INTU: variants seen among roughly 807,000 people sequenced by gnomAD.
INTU encodes protein inturned.
In INTU, 68 loss-of-function variants were observed where a neutral mutation model predicts 100.5. The observed-to-expected ratio is 0.68, with a 90% CI of 0.56 to 0.83. The LOEUF is 0.83. INTU is among the 40% of genes least tolerant of loss of function. The pLI is 0.00. For synonymous variants in INTU, 357 were observed against 395.7 expected, an observed-to-expected ratio of 0.90 and a Z score of 1.16; for missense variants, 1,071 against 1,114.7, an observed-to-expected ratio of 0.96 and a Z score of 0.56.
rs1731336519 is a variant in INTU at position 127,720,853 on chromosome 4, G to A, written c.*4417G>A. The A allele has an allele frequency of 6.6e-6, 1 of 151,854 alleles. No individual in the cohort carries two copies. The allele number at this position is 151,854 out of a possible 1,614,324, so 9.4% of individuals were successfully genotyped here. A position where few individuals can be genotyped will look rare whatever the true frequency, so the allele number is the denominator to read the frequency against. ...ATTTTCCTTCATCCTTTTATTTTGA[G>A]TCTATGTGTGTCCTTGCATGTGAGA... On this transcript the variant is annotated 3_prime_UTR_variant, in exon 16 of 16. Coordinates refer to ENST00000335251, the MANE Select transcript of INTU (RefSeq NM_015693.4).
In INTU at chr4:127,644,011, C is replaced by T. The variant is rs1727455674; in HGVS notation, c.637C>T (p.Leu213=). Residue 213 remains leucine (L), a synonymous_variant, in exon 2 of 16, where the codon CTG becomes TTG. Coordinates refer to ENST00000335251, the MANE Select transcript of INTU (RefSeq NM_015693.4). ...GDGERLVVHG[L]LPGGSAMKSG... is the part of the protein sequence containing the mutation. ...TGGAGAGAGGCTTGTGGTTCATGGC[C>T]TGCTGCCAGGGGGATCTGCTATGAA... The T allele has an allele frequency of 2.5e-6, 4 of 1,614,160 alleles. No individual in the cohort carries two copies. Among genetic ancestry groups the T allele is most frequent in the Non-Finnish European group, 3.4e-6 (4 of 1,180,000 alleles).
At chr4:127,654,582 C>G (rs946893014) in intron 2 of INTU, among the ~76,000 whole-genome samples, 1 of 152,052 alleles carries the variant, frequency 6.6e-6, no homozygotes, top group Non-Finnish European at 1.5e-5. Flanking sequence ...GGGTTTCTGC[C>G]GAGAGACCCG....
chr4:127,668,881 T>G (rs913770350), intron 4 of INTU, among the ~76,000 whole-genome samples, 155 bp from the exon 5 acceptor site: 1 of 151,884 alleles, frequency 6.6e-6, no homozygotes, highest in Non-Finnish European at 1.5e-5. Flanking sequence ...GTGTTAAAAT[T>G]CCAAGCATAG....
At chr4:127,709,628 A>T (rs1731017038) in intron 13 of INTU, among the ~76,000 whole-genome samples, 1 of 151,946 alleles carries the variant, frequency 6.6e-6, no homozygotes, top group Non-Finnish European at 1.5e-5. Flanking sequence ...GTATTTAATT[A>T]TGACATCATG....
chr4:127,722,149 C>A lies in INTU; in HGVS notation c.*5713C>A, dbSNP rs116037393. 1.3e-5 allele frequency: 2 copies of A among 152,342 alleles called. No homozygotes were observed. The highest frequency in any genetic ancestry group is 1.3e-4 in the Admixed American group (2 of 15,278). The allele number at this position is 152,342 out of a possible 1,614,324, so 9.4% of individuals were successfully genotyped here. ...CTTTTGGATGAGGTTTTTGTGGTGT[C>A]TTTTTTGTTGATGTTGTTGCATTCT... On this transcript the variant is annotated 3_prime_UTR_variant, in exon 16 of 16. Coordinates refer to ENST00000335251, the MANE Select transcript of INTU (RefSeq NM_015693.4).
chr4:127,686,586 G>C (rs1176618050), intron 7 of INTU: 1 of 152,168 alleles, frequency 6.6e-6, no homozygotes, highest in Non-Finnish European at 1.5e-5. Flanking sequence ...GGATCTTTCT[G>C]ACATTGGAAT....
chr4:127,693,626 A>G (rs1730253035), intron 8 of INTU, among the ~76,000 whole-genome samples: 1 of 152,090 alleles, frequency 6.6e-6, no homozygotes, highest in Non-Finnish European at 1.5e-5. Context: ...AGAAGTGGTG[A>G]AAGTGGGCAT....
At chr4:127,711,358 G>A (rs185689037) in intron 14 of INTU, among the ~76,000 whole-genome samples, 19 of 152,244 alleles carry the variant, frequency 1.2e-4, no homozygotes, top group Middle Eastern at 6.8e-3. Flanking sequence ...AAATACAGTC[G>A]TTTGTAATGT....
Position 127,716,435 on chromosome 4 carries a change from A to G in INTU, c.2828A>G (p.Ter943TrpextTer7), listed in dbSNP as rs886208594. 11 of 1,508,434 alleles carry G rather than the reference A, an allele frequency of 7.3e-6. No individual in the cohort carries two copies. Among genetic ancestry groups the G allele is most frequent in the Admixed American group, 1.9e-5 (1 of 51,926 alleles). 93.4% of individuals were successfully genotyped at this position (1,508,434 alleles called of 1,614,324 possible). A position where few individuals can be genotyped will look rare whatever the true frequency, so the allele number is the denominator to read the frequency against. ...AAATTGTTCTTTGGGTTAACCTTGT[A>G]GCTGTGCTTTCTTGATGCGTAGAAA... ...AFKLFFGLTL* is the reference protein window; with the variant it reads ...AFKLFFGLTLW The change falls in exon 16 of 16, where the codon TAG becomes TGG. Residue 943 changes from the stop codon to tryptophan, a stop_lost. Transcript: ENST00000335251.
In INTU at chr4:127,637,935, T is replaced by C. The variant is rs532698799; in HGVS notation, c.146+4755T>C. Reference sequence around the variant, plus strand: ...GCATTTATTGACTGATCCCTTTGCCTTCTTTGACATGCTTAACAGTTATTC... The same window carrying C: ...GCATTTATTGACTGATCCCTTTGCCCTCTTTGACATGCTTAACAGTTATTC... On this transcript the variant is annotated intron_variant, in intron 1 of 15. Coordinates refer to ENST00000335251, the MANE Select transcript of INTU (RefSeq NM_015693.4). 1.5e-4 allele frequency among the ~76,000 whole-genome samples: 23 copies of C among 152,302 alleles called. 1 individual carries two copies. Among genetic ancestry groups the C allele is most frequent in the Middle Eastern group, 3.4e-3 (1 of 294 alleles).
intron 6 of INTU, among the ~76,000 whole-genome samples, chr4:127,676,629 C>T (rs1438780668): frequency 6.6e-6 from 1 of 151,454 alleles, no homozygotes; most frequent in East Asian, 1.9e-4. Context: ...CCAAGATGGC[C>T]GAATAGGAAC....
intron 10 of INTU, 121 bp downstream of exon 10, chr4:127,704,411 A>T: frequency 1.3e-6 from 1 of 750,076 alleles, no homozygotes; most frequent in South Asian, 2.0e-5. Flanking sequence ...GTACCATAAG[A>T]TTAAGAGCTT....
intron 2 of INTU, 130 bp from the exon 3 acceptor site, chr4:127,656,506 C>T (rs1728232740): frequency 1.6e-6 from 1 of 615,660 alleles, no homozygotes; most frequent in East Asian, 2.7e-5. Context: ...TGGACAAGTT[C>T]CTGCTTGTCT....
At position 127,691,962 on chromosome 4, in the gene INTU, G is replaced by GTGTGTGTATATATA; in HGVS notation, c.1449+4096_1449+4097insGTGTGTATATATAT. On this transcript the variant is annotated intron_variant, in intron 8 of 15. Transcript: ENST00000335251. ...GGCGGAGTATAGTGTTCCATGGTAT[G>GTGTGTGTATATATA]TATATATATATATATATATGTCACA... 1.1e-4 allele frequency among the ~76,000 whole-genome samples: 11 copies of GTGTGTGTATATATA among 98,262 alleles called. 1 individual carries two copies. The highest frequency in any genetic ancestry group is 4.4e-4 in the African/African-American group (11 of 24,938). 64.5% of individuals were successfully genotyped at this position (98,262 alleles called of 152,430 possible).
At chr4:127,679,082 G>A (rs1321023487) in intron 6 of INTU, among the ~76,000 whole-genome samples, 60 of 152,006 alleles carry the variant, frequency 3.9e-4, no homozygotes, top group Non-Finnish European at 2.5e-4. Context: ...GCCCAATACA[G>A]GAGCACCCAG....
At chr4:127,705,432 A>G in intron 10 of INTU, among the ~76,000 whole-genome samples, 159 bp from the exon 11 acceptor site, 1 of 152,234 alleles carries the variant, frequency 6.6e-6, no homozygotes, top group South Asian at 2.1e-4. Flanking sequence ...TTTGACCTCA[A>G]GAAAAGAAAC....
In INTU at chr4:127,720,074, G is replaced by A. The variant is rs1474693521; in HGVS notation, c.*3638G>A. 6.6e-6 allele frequency: 1 copy of A among 151,878 alleles called. No homozygotes were observed. Among genetic ancestry groups the A allele is most frequent in the Non-Finnish European group, 1.5e-5 (1 of 67,966 alleles). The allele number at this position is 151,878 out of a possible 1,614,324, so 9.4% of individuals were successfully genotyped here. On this transcript the variant is annotated 3_prime_UTR_variant, in exon 16 of 16. Coordinates refer to ENST00000335251, the MANE Select transcript of INTU (RefSeq NM_015693.4). ...CTAGTTCTTTTAGTTGTGATACTAG[G>A]GTGTCGATTTGAGATCTTTCTAGCT...
intron 4 of INTU, among the ~76,000 whole-genome samples, chr4:127,668,275 G>T (rs1235014239): frequency 6.6e-6 from 1 of 151,782 alleles, no homozygotes; most frequent in African/African-American, 2.4e-5. Context: ...ATTTTATTTT[G>T]TAAAAACTAT....
Position 127,643,680 on chromosome 4 carries a change from A to C in INTU, c.306A>C (p.Lys102Asn), listed in dbSNP as rs747954775. 28 of 1,613,112 alleles carry C rather than the reference A, an allele frequency of 1.7e-5. No individual in the cohort carries two copies. Among genetic ancestry groups the C allele is most frequent in the Non-Finnish European group, 2.3e-5 (27 of 1,179,840 alleles). ...AGATTATCATTGAAGATGACTACAAAGAAAGAAAAAAGTATGAACCCAAAC... is the reference window on the plus strand; with the variant it reads ...AGATTATCATTGAAGATGACTACAACGAAAGAAAAAAGTATGAACCCAAAC... ...ENEIIIEDDYKERKKYEPKLK... is the reference protein window; with the variant it reads ...ENEIIIEDDYNERKKYEPKLK... The change falls in exon 2 of 16, where the codon AAA (lysine) becomes AAC (asparagine). Residue 102 changes from lysine to asparagine, a missense_variant. By Grantham distance (94) the Lys-to-Asn change is moderately conservative (BLOSUM62 0). Coordinates refer to ENST00000335251, the MANE Select transcript of INTU (RefSeq NM_015693.4).
Sources: gnomAD v4.1 joint callset for allele counts (sites outside exome capture counted in the v4.1 genomes callset) on GRCh38, gnomAD v4.1.1 for gene constraint, MANE v1.5 for transcripts, NCBI Gene and HGNC (gene_info 2026-07-23, HGNC 2026-07-21) for gene names.